Variants in FAM78B observed in about 807,000 individuals in gnomAD.
The protein encoded by FAM78B is protein FAM78B.
A neutral mutation model predicts 20.0 loss-of-function variants in FAM78B; 10 were observed. The observed-to-expected ratio is 0.50, with a 90% CI of 0.31 to 0.85. The LOEUF (loss-of-function observed/expected upper bound fraction) is 0.85, where lower values mean the gene tolerates loss of function less well. Among genes scored for constraint, FAM78B ranks in the 40% least tolerant of loss-of-function variants. The pLI is 0.05. For missense variants in FAM78B, 283 were observed against 345.0 expected, an observed-to-expected ratio of 0.82 and a Z score of 1.42; for synonymous variants, 135 against 132.8, an observed-to-expected ratio of 1.02 and a Z score of -0.12.
At chr1:166,103,466 A>C (rs902302013) in intron 1 of FAM78B, among the ~76,000 whole-genome samples, 2 of 152,196 alleles carry the variant, frequency 1.3e-5, no homozygotes, top group Admixed American at 1.3e-4. Context: ...CAAGACTAAT[A>C]AAGAAGAAGA....
chr1:166,144,928 G>A (rs1446500098), intron 1 of FAM78B, among the ~76,000 whole-genome samples: 2 of 152,138 alleles, frequency 1.3e-5, no homozygotes, highest in African/African-American at 4.8e-5. Flanking sequence ...ATGGAAGGGA[G>A]AAGTTTGGGG....
At chr1:166,106,108 G>A (rs1445063304) in intron 1 of FAM78B, among the ~76,000 whole-genome samples, 7 of 149,842 alleles carry the variant, frequency 4.7e-5, no homozygotes, top group African/African-American at 7.4e-5. Context: ...TCACAAGGAC[G>A]AAAAACCAAA....
At chr1:166,127,101 T>C (rs1654672443) in intron 1 of FAM78B, among the ~76,000 whole-genome samples, 1 of 152,242 alleles carries the variant, frequency 6.6e-6, no homozygotes, top group Non-Finnish European at 1.5e-5. Flanking sequence ...TGTTAAACTT[T>C]CTGAATGTCA....
intron 1 of FAM78B, among the ~76,000 whole-genome samples, chr1:166,085,941 G>A (rs1233923210): frequency 6.6e-6 from 1 of 152,166 alleles, no homozygotes; most frequent in Non-Finnish European, 1.5e-5. Flanking sequence ...ACAGGCTAGA[G>A]GCAGGAATCT....
chr1:166,116,441 T>C (rs1654258061), intron 1 of FAM78B, among the ~76,000 whole-genome samples: 1 of 152,200 alleles, frequency 6.6e-6, no homozygotes, highest in Non-Finnish European at 1.5e-5. Context: ...TTCTCCGTAG[T>C]GATAGGCGCT....
chr1:166,102,714 C>T (rs1488769018), intron 1 of FAM78B, among the ~76,000 whole-genome samples: 3 of 152,178 alleles, frequency 2.0e-5, no homozygotes, highest in Non-Finnish European at 4.4e-5. Context: ...AAAGCAAGTC[C>T]TTAGAGACCT....
At chr1:166,088,776 G>A (rs1284709949) in intron 1 of FAM78B, among the ~76,000 whole-genome samples, 1 of 152,132 alleles carries the variant, frequency 6.6e-6, no homozygotes, top group Non-Finnish European at 1.5e-5. Context: ...GGGGCAGAGG[G>A]GGCAGACACT....
intron 2 of FAM78B, among the ~76,000 whole-genome samples, chr1:166,064,126 T>C (rs1461546428): frequency 6.6e-6 from 1 of 152,058 alleles, no homozygotes; most frequent in Non-Finnish European, 1.5e-5. Flanking sequence ...CCATGGGGAA[T>C]GGGGCTGCCT....
At chr1:166,088,653 G>A (rs1431898161) in intron 1 of FAM78B, among the ~76,000 whole-genome samples, 1 of 152,174 alleles carries the variant, frequency 6.6e-6, no homozygotes, top group African/African-American at 2.4e-5. Context: ...TACAGCTATG[G>A]CCAAGTCATT....
At chr1:166,091,159 T>C (rs993619248) in intron 1 of FAM78B, among the ~76,000 whole-genome samples, 2 of 152,098 alleles carry the variant, frequency 1.3e-5, no homozygotes, top group Non-Finnish European at 2.9e-5. Flanking sequence ...TGTTTCTGTA[T>C]TTCTTAAACA....
intron 1 of FAM78B, among the ~76,000 whole-genome samples, chr1:166,115,889 T>C (rs1219618851): frequency 1.3e-5 from 2 of 152,206 alleles, no homozygotes; most frequent in African/African-American, 2.4e-5. Flanking sequence ...GAAATAACAA[T>C]ACCTGTTCTC....
intron 1 of FAM78B, among the ~76,000 whole-genome samples, chr1:166,117,808 G>A (rs1654316050): frequency 6.6e-6 from 1 of 152,160 alleles, no homozygotes; most frequent in African/African-American, 2.4e-5. Context: ...TGGGTGTCTG[G>A]GAAGAGCACA....
intron 1 of FAM78B, among the ~76,000 whole-genome samples, chr1:166,091,977 C>G (rs1341695022): frequency 6.6e-6 from 1 of 151,066 alleles, no homozygotes; most frequent in Admixed American, 6.6e-5. Flanking sequence ...CTCAATGAAG[C>G]AAGACAGCAG....
chr1:166,065,167 G>A (rs1651752745), downstream of FAM78B, among the ~76,000 whole-genome samples: 1 of 152,216 alleles, frequency 6.6e-6, no homozygotes, highest in Non-Finnish European at 1.5e-5. Flanking sequence ...CTGGACAAGT[G>A]GAGGAGGGTG....
chr1:166,109,844 A>G (rs28680544), intron 1 of FAM78B, among the ~76,000 whole-genome samples: 660 of 26,464 alleles, frequency 0.025, 78 homozygotes, highest in African/African-American at 0.046. Context: ...ATATATGTAT[A>G]TATATATATA....
chr1:166,133,675 T>G (rs1474760470), intron 1 of FAM78B, among the ~76,000 whole-genome samples: 5 of 151,994 alleles, frequency 3.3e-5, no homozygotes, highest in Admixed American at 6.6e-5. Flanking sequence ...TGTATTCCAG[T>G]GCTAATCTTA....
chr1:166,073,700 T>C (rs189844935), intron 1 of FAM78B, among the ~76,000 whole-genome samples: 9 of 152,304 alleles, frequency 5.9e-5, no homozygotes, highest in East Asian at 1.9e-4. Context: ...GGGGATTACT[T>C]TGAATGGAAT....
At chr1:166,090,688 C>G (rs1421539606) in intron 1 of FAM78B, among the ~76,000 whole-genome samples, 2 of 152,210 alleles carry the variant, frequency 1.3e-5, no homozygotes, top group African/African-American at 4.8e-5. Flanking sequence ...GACAACAAGA[C>G]TCATGAAATG....
chr1:166,062,439 C>T (rs1272983504), intron 2 of FAM78B, among the ~76,000 whole-genome samples: 1 of 152,340 alleles, frequency 6.6e-6, no homozygotes, highest in Non-Finnish European at 1.5e-5. Context: ...CAGCAAATGC[C>T]GTATTTCCCT....
Sources: gnomAD v4.1 joint callset for allele counts (sites outside exome capture counted in the v4.1 genomes callset) on GRCh38, gnomAD v4.1.1 for gene constraint, MANE v1.5 for transcripts, NCBI Gene and HGNC (gene_info 2026-07-23, HGNC 2026-07-21) for gene names.